Variants in MPG observed in about 807,000 individuals in gnomAD.
The protein encoded by MPG is DNA-3-methyladenine glycosylase.
Under a neutral mutation model 31.7 loss-of-function variants are expected in MPG, and 33 were observed. That is an observed-to-expected ratio of 1.04 (90% confidence interval 0.79 to 1.39). The LOEUF is 1.39. MPG is among the 40% of genes most tolerant of loss of function. The pLI is 0.00. For missense variants in MPG, 455 were observed against 415.5 expected (o/e 1.10, Z -0.83); for synonymous variants, 202 against 169.2 (o/e 1.19, Z -1.51).
upstream of MPG, among the ~76,000 whole-genome samples, chr16:77,410 G>T (rs1219038529): frequency 6.6e-6 from 1 of 152,192 alleles, no homozygotes; most frequent in Admixed American, 6.5e-5. Context: ...CCCTCCCTAG[G>T]GGCATGGATC....
chr16:83,298 G>T (rs1898306339), intron 3 of MPG, 42 bp downstream of exon 3: 1 of 1,573,102 alleles, frequency 6.4e-7, no homozygotes, highest in Non-Finnish European at 8.7e-7. Context: ...GGCCGGCAGA[G>T]CCCTGTCCGC....
At chr16:81,067 T>C (rs530925867) in intron 2 of MPG, among the ~76,000 whole-genome samples, 11 of 152,262 alleles carry the variant, frequency 7.2e-5, no homozygotes, top group Admixed American at 2.6e-4. Context: ...CATAACCTCC[T>C]AGTGGATGCC....
rs1567126045 is a variant in MPG, at chr16:85,401, G to C, written c.506G>C (p.Gly169Ala). ...CACTTCCAAACTGTCCGTCCCACAG[G>C]GGACGGGGCTTGCGTCTTGCTGCGA... ...MYFCMNISSQ[G>A]DGACVLLRAL... is the part of the protein sequence containing the mutation. Residue 169 changes from glycine to alanine, a missense_variant and splice_region_variant, in exon 4 of 4, where the codon GGG becomes GCG. Physicochemically the swap from Gly to Ala is moderately conservative, Grantham distance 60 (BLOSUM62 0). Coordinates refer to ENST00000356432, the MANE Select transcript of MPG (RefSeq NM_001015052.3). The C allele has an allele frequency of 5.0e-6, 8 of 1,600,940 alleles. No individual in the cohort carries two copies. Among genetic ancestry groups the C allele is most frequent in the Non-Finnish European group, 6.8e-6 (8 of 1,172,902 alleles).
At chr16:82,985 C>A in intron 2 of MPG, 67 bp from the exon 3 acceptor site, 1 of 1,404,784 alleles carries the variant, frequency 7.1e-7, no homozygotes, top group Non-Finnish European at 9.7e-7. Flanking sequence ...GAGGTCCAGG[C>A]TGGGCACTGT....
rs138609827 is a variant in MPG, at chr16:85,678, T to C, written c.783T>C (p.His261=). The change falls in exon 4 of 4, where the codon CAT becomes CAC. Residue 261 remains histidine (H), a synonymous_variant. Coordinates refer to ENST00000356432, the MANE Select transcript of MPG (RefSeq NM_001015052.3). The part of the protein sequence containing the change: ...VVAAARVGVG[H]AGEWARKPLR... Reference sequence around the variant, plus strand: ...CAGCAGCCCGGGTGGGCGTCGGCCATGCAGGGGAGTGGGCCCGGAAACCCC... The same window carrying C: ...CAGCAGCCCGGGTGGGCGTCGGCCACGCAGGGGAGTGGGCCCGGAAACCCC... 4 of 1,567,148 alleles carry C rather than the reference T, an allele frequency of 2.6e-6. No homozygotes were observed. Among genetic ancestry groups the C allele is most frequent in the Middle Eastern group, 1.7e-4 (1 of 5,836 alleles).
At position 83,047 on chromosome 16, in the gene MPG, C is replaced by T. The variant is rs1898294715; in HGVS notation, c.301-5C>T. The T allele has an allele frequency of 6.3e-7, 1 of 1,587,426 alleles. No individual in the cohort carries two copies. Among genetic ancestry groups the T allele is most frequent in the Non-Finnish European group, 8.6e-7 (1 of 1,164,372 alleles). ...CCGCCCTGAGCAGAAACTGACTGCCCACAGGTCCTAGTCCGGCGACTTCCT... is the reference window on the plus strand; with the variant it reads ...CCGCCCTGAGCAGAAACTGACTGCCTACAGGTCCTAGTCCGGCGACTTCCT... On this transcript the variant is annotated splice_region_variant and splice_polypyrimidine_tract_variant and intron_variant, in intron 2 of 3. Coordinates refer to ENST00000356432, the MANE Select transcript of MPG (RefSeq NM_001015052.3).
intron 2 of MPG, among the ~76,000 whole-genome samples, chr16:81,996 AT>A (rs1898255828): frequency 9.0e-6 from 1 of 111,726 alleles, no homozygotes; most frequent in African/African-American, 5.9e-5. Context: ...CCACCACCCT[AT>A]CTCCGGGAAG....
Position 85,808 on chromosome 16 carries a change from A to G in MPG, c.*31A>G, listed in dbSNP as rs1306766118. 8 of 1,457,182 alleles carry G rather than the reference A, an allele frequency of 5.5e-6. No homozygotes were observed. The highest frequency in any genetic ancestry group is 5.4e-6 in the Non-Finnish European group (6 of 1,102,798). 90.3% of individuals were successfully genotyped at this position (1,457,182 alleles called of 1,614,324 possible). A position where few individuals can be genotyped will look rare whatever the true frequency, so the allele number is the denominator to read the frequency against. ...GGGCCTGCCCAGACAAGATTTTTTA[A>G]TTGTTTAAAAACCGAATAAATGTTT... On this transcript the variant is annotated 3_prime_UTR_variant, in exon 4 of 4. Coordinates refer to ENST00000356432, the MANE Select transcript of MPG (RefSeq NM_001015052.3).
chr16:79,843 C>T (rs540985041), intron 2 of MPG, 143 bp downstream of exon 2: 13 of 911,170 alleles, frequency 1.4e-5, no homozygotes, highest in South Asian at 1.7e-5. Context: ...CACACTGGTC[C>T]CTGCTTAGCT....
chr16:79,506 C>T lies in MPG; in HGVS notation c.106C>T (p.Pro36Ser), dbSNP rs138308773. 1.9e-6 allele frequency: 3 copies of T among 1,612,692 alleles called. No individual in the cohort carries two copies. The highest frequency in any genetic ancestry group is 3.3e-5 in the Admixed American group (2 of 60,000). Residue 36 changes from proline to serine, a missense_variant, in exon 2 of 4, where the codon CCT (proline) becomes TCT (serine). Transcript: ENST00000356432. ...CAGCTCGTCCGACGCAGCCCAGGCACCTGCAGAGCAGCCACACAGCTCGTC... is the reference window on the plus strand; with the variant it reads ...CAGCTCGTCCGACGCAGCCCAGGCATCTGCAGAGCAGCCACACAGCTCGTC... ...PHSSSDAAQAPAEQPHSSSDA... is the reference protein window; with the variant it reads ...PHSSSDAAQASAEQPHSSSDA...
At position 79,471 on chromosome 16, in the gene MPG, G is replaced by C; in HGVS notation, c.71G>C (p.Gly24Ala). Residue 24 changes from glycine to alanine, a missense_variant, in exon 2 of 4, where the codon GGG (glycine) becomes GCG (alanine). Coordinates refer to ENST00000356432, the MANE Select transcript of MPG (RefSeq NM_001015052.3). Reference protein sequence around the residue: ...GQKKQRPARAGQPHSSSDAAQ... With the variant: ...GQKKQRPARAAQPHSSSDAAQ... ...AAGAAGCAGCGACCAGCTAGAGCAGGGCAGCCACACAGCTCGTCCGACGCA... is the reference window on the plus strand; with the variant it reads ...AAGAAGCAGCGACCAGCTAGAGCAGCGCAGCCACACAGCTCGTCCGACGCA... 6.2e-7 allele frequency: 1 copy of C among 1,613,012 alleles called. No individual in the cohort carries two copies.
rs1372329730 is a variant in MPG, at chr16:78,264, C to G, written c.-46C>G. The G allele has an allele frequency of 7.3e-7, 1 of 1,369,794 alleles. No homozygotes were observed. 84.9% of individuals were successfully genotyped at this position (1,369,794 alleles called of 1,614,324 possible). ...TTCCGTGGTCGGCGGCTGCTGGGCT[C>G]CGCGCCGGGGTCCGAGTCCCACGAA... On this transcript the variant is annotated 5_prime_UTR_variant, in exon 1 of 4. Coordinates refer to ENST00000356432, the MANE Select transcript of MPG (RefSeq NM_001015052.3).
chr16:83,163 AC>A lies in MPG; in HGVS notation c.418del (p.Arg140AlafsTer7). 6.2e-7 allele frequency: 1 copy of A among 1,612,532 alleles called. No individual in the cohort carries two copies. On this transcript the variant is annotated frameshift_variant, in exon 3 of 4. Coordinates refer to ENST00000356432, the MANE Select transcript of MPG (RefSeq NM_001015052.3). LOFTEE classifies it high-confidence loss of function. Reference sequence around the variant, plus strand: ...CGCCCACTCAAGGGGTGGCCGGCAGACCCCCCGCAACCGAGGCATGTTCATG... The same window carrying A: ...CGCCCACTCAAGGGGTGGCCGGCAGACCCCCGCAACCGAGGCATGTTCATG... Reference protein sequence around the residue: ...EAAHSRGGRQTPRNRGMFMKP... With the variant: ...EAAHSRGGRQXPRNRGMFMKP...
In MPG at chr16:79,594, C is replaced by T. The variant is rs765863740; in HGVS notation, c.194C>T (p.Pro65Leu). Residue 65 changes from proline (P) to leucine (L), a missense_variant, in exon 2 of 4, where the codon CCA becomes CTA. Coordinates refer to ENST00000356432, the MANE Select transcript of MPG (RefSeq NM_001015052.3). ...RCLGPPTTPG[P>L]YRSIYFSSPK... is the part of the protein sequence containing the mutation. ...TTGGGACCGCCCACCACTCCGGGCC[C>T]ATACCGCAGCATCTATTTCTCAAGC... 1.2e-6 allele frequency: 2 copies of T among 1,608,340 alleles called. No individual in the cohort carries two copies. Among genetic ancestry groups the T allele is most frequent in the African/African-American group, 1.3e-5 (1 of 74,942 alleles).
intron 2 of MPG, among the ~76,000 whole-genome samples, chr16:80,240 G>A (rs1567123656): frequency 6.6e-6 from 1 of 152,238 alleles, no homozygotes. Flanking sequence ...CACAGCCGTG[G>A]CATCTTGGCT....
In MPG at chr16:82,203, A is replaced by G. The variant is rs2562183; in HGVS notation, c.301-849A>G. Among the ~76,000 whole-genome samples, 25 of 107,230 alleles carry G rather than the reference A, an allele frequency of 2.3e-4. 5 individuals are homozygous for G. Among genetic ancestry groups the G allele is most frequent in the African/African-American group, 8.7e-4 (17 of 19,624 alleles). The allele number at this position is 107,230 out of a possible 152,430, so 70.3% of individuals were successfully genotyped here. On this transcript the variant is annotated intron_variant, in intron 2 of 3. Transcript: ENST00000356432. ...GCCCTCCTGAATGCTCCCCGCGCTGACCCCTTCTTCCCACCACCCTATCTC... is the reference window on the plus strand; with the variant it reads ...GCCCTCCTGAATGCTCCCCGCGCTGGCCCCTTCTTCCCACCACCCTATCTC...
In MPG at chr16:85,513, C is replaced by CA; in HGVS notation, c.618_619insA (p.Arg207ThrfsTer21). On this transcript the variant is annotated frameshift_variant, in exon 4 of 4. Transcript: ENST00000356432. LOFTEE classifies it high-confidence loss of function. ...GCACCGCCAGCCGTGTCCTCAAGGACCGCGAGCTCTGCAGTGGCCCCTCCA... is the reference window on the plus strand; with the variant it reads ...GCACCGCCAGCCGTGTCCTCAAGGACACGCGAGCTCTGCAGTGGCCCCTCCA... 1 of 1,613,388 alleles carries CA rather than the reference C, an allele frequency of 6.2e-7. No individual in the cohort carries two copies. Among genetic ancestry groups the CA allele is most frequent in the East Asian group, 2.2e-5 (1 of 44,884 alleles).
At position 85,669 on chromosome 16, in the gene MPG, C is replaced by T. The variant is rs376825082; in HGVS notation, c.774C>T (p.Gly258=). The part of the protein sequence containing the change: ...EPAVVAAARV[G]VGHAGEWARK... Reference sequence around the variant, plus strand: ...CTGTAGTGGCAGCAGCCCGGGTGGGCGTCGGCCATGCAGGGGAGTGGGCCC... The same window carrying T: ...CTGTAGTGGCAGCAGCCCGGGTGGGTGTCGGCCATGCAGGGGAGTGGGCCC... Residue 258 remains glycine (G), a synonymous_variant, in exon 4 of 4, where the codon GGC becomes GGT. Coordinates refer to ENST00000356432, the MANE Select transcript of MPG (RefSeq NM_001015052.3). 219 of 1,578,500 alleles carry T rather than the reference C, an allele frequency of 1.4e-4. No individual in the cohort carries two copies. Among genetic ancestry groups the T allele is most frequent in the Non-Finnish European group, 1.8e-4 (204 of 1,158,450 alleles).
chr16:79,027 G>A, intron 1 of MPG: 1 of 1,422,138 alleles, frequency 7.0e-7, no homozygotes, highest in Non-Finnish European at 9.2e-7. Context: ...TTGGATGAAA[G>A]GGCAGGGCTC....
Sources: gnomAD v4.1 joint callset for allele counts (sites outside exome capture counted in the v4.1 genomes callset) on GRCh38, gnomAD v4.1.1 for gene constraint, MANE v1.5 for transcripts, NCBI Gene and HGNC (gene_info 2026-07-23, HGNC 2026-07-21) for gene names.